Variants in MAPRE3 observed in about 807,000 individuals in gnomAD.
MAPRE3 encodes the protein microtubule associated protein RP/EB family member 3.
A neutral mutation model predicts 30.5 loss-of-function variants in MAPRE3; 2 were observed. That is an observed-to-expected ratio of 0.07 (90% confidence interval 0.03 to 0.21). The LOEUF (loss-of-function observed/expected upper bound fraction) is 0.21. MAPRE3 is among the 10% of genes least tolerant of loss of function. The pLI, the probability that MAPRE3 is intolerant of heterozygous loss-of-function variation, is 1.00. For missense variants in MAPRE3, 204 were observed against 351.8 expected, an observed-to-expected ratio of 0.58 and a Z score of 3.36; for synonymous variants, 110 against 127.7, an observed-to-expected ratio of 0.86 and a Z score of 0.93.
At chr2:26,974,514 C>T (rs1226556310) in intron 1 of MAPRE3, among the ~76,000 whole-genome samples, 1 of 152,204 alleles carries the variant, frequency 6.6e-6, no homozygotes, top group East Asian at 1.9e-4. Context: ...GCAGATGGGG[C>T]TGAGAGGAGG....
At chr2:27,025,084 T>C (rs1315125640) in intron 4 of MAPRE3, among the ~76,000 whole-genome samples, 1 of 152,132 alleles carries the variant, frequency 6.6e-6, no homozygotes, top group African/African-American at 2.4e-5. Context: ...TGGCCACCAC[T>C]GTGCAGATAC....
intron 1 of MAPRE3, among the ~76,000 whole-genome samples, chr2:26,998,951 C>T (rs1024440480): frequency 1.3e-5 from 2 of 152,164 alleles, no homozygotes; most frequent in Admixed American, 1.3e-4. Flanking sequence ...TGTCACAGCA[C>T]TTTGGAATCC....
chr2:26,973,543 A>G (rs915938948), intron 1 of MAPRE3, among the ~76,000 whole-genome samples: 10 of 143,650 alleles, frequency 7.0e-5, no homozygotes, highest in Non-Finnish European at 1.5e-4. Context: ...AACAGAAAAT[A>G]TAGTTTTTTT....
intron 1 of MAPRE3, among the ~76,000 whole-genome samples, chr2:27,004,322 A>T (rs968813416): frequency 3.3e-5 from 5 of 152,168 alleles, no homozygotes; most frequent in Non-Finnish European, 7.3e-5. Context: ...TAGTGCAATT[A>T]AAGTTTACTT....
chr2:27,024,056 G>A (rs373546757), intron 3 of MAPRE3, 40 bp from the exon 4 acceptor site: 100 of 1,522,812 alleles, frequency 6.6e-5, no homozygotes, highest in Non-Finnish European at 8.6e-5. Context: ...TCCTACAGCA[G>A]CAGGTGGCTA....
chr2:27,021,457 G>A (rs1379001151), intron 1 of MAPRE3, among the ~76,000 whole-genome samples: 1 of 152,202 alleles, frequency 6.6e-6, no homozygotes, highest in Non-Finnish European at 1.5e-5. Context: ...AGGAAAGGTT[G>A]TGGACAAGCA....
At chr2:27,019,969 T>C (rs1667077605) in intron 1 of MAPRE3, among the ~76,000 whole-genome samples, 1 of 152,204 alleles carries the variant, frequency 6.6e-6, no homozygotes, top group Non-Finnish European at 1.5e-5. Flanking sequence ...CTGCAGATCC[T>C]CCGGGCATCT....
intron 1 of MAPRE3, among the ~76,000 whole-genome samples, chr2:26,973,546 GT>G (rs68169162): frequency 0.47 from 56,782 of 122,028 alleles, 9,628 homozygotes; most frequent in East Asian, 0.62. Context: ...AGAAAATATA[GT>G]TTTTTTTTTT....
intron 1 of MAPRE3, among the ~76,000 whole-genome samples, chr2:26,983,048 G>A (rs1666145748): frequency 6.6e-6 from 1 of 152,172 alleles, no homozygotes; most frequent in Non-Finnish European, 1.5e-5. Flanking sequence ...GAGGGAAATG[G>A]AAAGACATGA....
intron 1 of MAPRE3, among the ~76,000 whole-genome samples, chr2:26,992,229 A>T (rs1291953233): frequency 3.4e-5 from 5 of 146,758 alleles, no homozygotes; most frequent in South Asian, 2.2e-4. Context: ...TTACCAGATA[A>T]TTTTTTTTTT....
intron 1 of MAPRE3, among the ~76,000 whole-genome samples, chr2:26,979,323 C>T (rs1388541929): frequency 2.0e-5 from 3 of 152,216 alleles, no homozygotes; most frequent in Non-Finnish European, 4.4e-5. Context: ...CAATGGCTCA[C>T]GCCTGTCATA....
chr2:26,985,186 G>A lies in MAPRE3; in HGVS notation c.-8+14384G>A, dbSNP rs976122938. Among the ~76,000 whole-genome samples, 9 of 152,202 alleles carry A rather than the reference G, an allele frequency of 5.9e-5. 1 individual carries two copies. Among genetic ancestry groups the A allele is most frequent in the East Asian group, 3.9e-4 (2 of 5,182 alleles). ...GTACCGTTTAGGTAGATGGTGCTTC[G>A]GCCCTGAGAGAGATTGTTAAGACAT... On this transcript the variant is annotated intron_variant, in intron 1 of 6. Coordinates refer to ENST00000233121, the MANE Select transcript of MAPRE3 (RefSeq NM_012326.4). This position sits in a 1 kb window ranked among gnomAD's most constrained non-coding sequence, Gnocchi z 4.2.
chr2:27,026,450 T>C lies in MAPRE3; in HGVS notation c.*102T>C. The C allele has an allele frequency of 2.9e-6, 3 of 1,050,576 alleles. No individual in the cohort carries two copies. The highest frequency in any genetic ancestry group is 4.2e-6 in the Non-Finnish European group (3 of 710,518). 65.1% of individuals were successfully genotyped at this position (1,050,576 alleles called of 1,614,324 possible). On this transcript the variant is annotated 3_prime_UTR_variant, in exon 7 of 7. Transcript: ENST00000233121. ...TCCTAACACGGTCGGCCGGGTGCTT[T>C]GTGTCAGTGCTGCAGCACTGGGGAG...
At chr2:27,024,961 G>A (rs1198287710) in intron 4 of MAPRE3, among the ~76,000 whole-genome samples, 1 of 151,958 alleles carries the variant, frequency 6.6e-6, no homozygotes, top group Non-Finnish European at 1.5e-5. Flanking sequence ...CCACTCGCCC[G>A]CCTGCTTGCT....
At chr2:27,024,492 G>T (rs1274662122) in intron 4 of MAPRE3, among the ~76,000 whole-genome samples, 195 bp downstream of exon 4, 1 of 152,226 alleles carries the variant, frequency 6.6e-6, no homozygotes, top group African/African-American at 2.4e-5. Context: ...TCCACAAATT[G>T]GTCTAAGAGG....
At chr2:26,991,028 C>T (rs909757928) in intron 1 of MAPRE3, among the ~76,000 whole-genome samples, 19 of 152,124 alleles carry the variant, frequency 1.2e-4, no homozygotes, top group African/African-American at 1.9e-4. Context: ...CCGAGGCGGG[C>T]GGATCACGAG....
chr2:26,993,922 G>T (rs1487284680), intron 1 of MAPRE3, among the ~76,000 whole-genome samples: 1 of 152,184 alleles, frequency 6.6e-6, no homozygotes, highest in African/African-American at 2.4e-5. Flanking sequence ...AGTAGGAGAT[G>T]GCGCTCTCCC....
At chr2:26,996,531 G>T (rs1164764561) in intron 1 of MAPRE3, among the ~76,000 whole-genome samples, 2 of 151,898 alleles carry the variant, frequency 1.3e-5, no homozygotes, top group Non-Finnish European at 2.9e-5. Flanking sequence ...GGCCGGGCGC[G>T]GTGGTTTAAG....
rs191328829 is a variant in MAPRE3, at chr2:27,026,052, T to C, written c.777+20T>C. On this transcript the variant is annotated intron_variant, in intron 6 of 6. Transcript: ENST00000233121. Reference sequence around the variant, plus strand: ...ACAGAGGTGAGCACTCCCAGGCCCATTGGGCCCTCCCCAGTCTGGCCTGGC... The same window carrying C: ...ACAGAGGTGAGCACTCCCAGGCCCACTGGGCCCTCCCCAGTCTGGCCTGGC... 2.5e-3 allele frequency: 4,030 copies of C among 1,613,774 alleles called. 14 individuals carry two copies. The highest frequency in any genetic ancestry group is 4.2e-3 in the South Asian group (380 of 91,076).
Sources: gnomAD v4.1 joint callset for allele counts (sites outside exome capture counted in the v4.1 genomes callset) on GRCh38, gnomAD v4.1.1 for gene constraint, Gnocchi (gnomAD v3.1) non-coding constraint, MANE v1.5 for transcripts, NCBI Gene and HGNC (gene_info 2026-07-23, HGNC 2026-07-21) for gene names.